CIT: variants seen among roughly 807,000 people sequenced by gnomAD.
CIT encodes the protein citron Rho-interacting kinase.
In CIT, 79 loss-of-function variants were observed where a neutral mutation model predicts 272.7. The ratio of observed to expected loss-of-function variants is 0.29; its 90% CI spans 0.24 to 0.35. The LOEUF is 0.35. Ranked by LOEUF, CIT falls within the 10% of genes least tolerant of loss-of-function variation. The pLI is 1.00. For missense variants in CIT, 1,909 were observed against 2,618.3 expected (o/e 0.73, Z 5.91); for synonymous variants, 948 against 995.6 (o/e 0.95, Z 0.90).
At chr12:119,833,302 T>C (rs762977744) in intron 6 of CIT, among the ~76,000 whole-genome samples, 1 of 152,130 alleles carries the variant, frequency 6.6e-6, no homozygotes, top group Non-Finnish European at 1.5e-5. Context: ...ACAATCATTG[T>C]ATTCCCACAA....
chr12:119,711,443 C>T (rs1356287011), intron 37 of CIT, among the ~76,000 whole-genome samples: 1 of 152,188 alleles, frequency 6.6e-6, no homozygotes, highest in East Asian at 1.9e-4. Flanking sequence ...AACTGAGATG[C>T]TTATGAAAAG....
intron 27 of CIT, among the ~76,000 whole-genome samples, chr12:119,730,255 C>A (rs1359527547): frequency 2.0e-5 from 3 of 152,028 alleles, no homozygotes. Flanking sequence ...GGCCTAGACA[C>A]ACAGATTTTA....
At chr12:119,822,119 C>T (rs573904417) in intron 9 of CIT, among the ~76,000 whole-genome samples, 2 of 152,318 alleles carry the variant, frequency 1.3e-5, no homozygotes, top group African/African-American at 4.8e-5. Context: ...GGCTCTAATC[C>T]GTGCTGATCA....
chr12:119,689,433 T>C (rs1955793023), intron 47 of CIT, among the ~76,000 whole-genome samples: 1 of 151,950 alleles, frequency 6.6e-6, no homozygotes, highest in East Asian at 1.9e-4. Context: ...TGTGTGAATC[T>C]ATATCTATGT....
chr12:119,786,012 G>A (rs1426868689), intron 10 of CIT, among the ~76,000 whole-genome samples: 1 of 151,990 alleles, frequency 6.6e-6, no homozygotes, highest in Non-Finnish European at 1.5e-5. Context: ...TGCATACCTG[G>A]TTCTGTTTGA....
Position 119,709,528 on chromosome 12 carries a change from G to A in CIT, c.5071+723C>T, listed in dbSNP as rs553773233. ...CTGAGATTAAGAAAGGCCAGTTCTT[G>A]TCCATAGTATGTCAGTCCCCGGATC... On this transcript the variant is annotated intron_variant, in intron 39 of 47. Coordinates refer to ENST00000392521, the MANE Select transcript of CIT (RefSeq NM_001206999.2). Among the ~76,000 whole-genome samples the A allele has an allele frequency of 8.5e-5, 13 of 152,310 alleles. 1 individual carries two copies. Among genetic ancestry groups the A allele is most frequent in the African/African-American group, 3.1e-4 (13 of 41,580 alleles).
At chr12:119,757,291 T>G (rs1961124423) in intron 22 of CIT, 80 bp downstream of exon 22, 1 of 1,540,148 alleles carries the variant, frequency 6.5e-7, no homozygotes, top group Admixed American at 1.8e-5. Context: ...GTATAGATAT[T>G]GATTTGTGCT....
intron 21 of CIT, among the ~76,000 whole-genome samples, chr12:119,758,115 G>A (rs566378473): frequency 6.6e-6 from 1 of 152,054 alleles, no homozygotes; most frequent in East Asian, 1.9e-4. Flanking sequence ...GAAACCTAAG[G>A]GGGAAAAAAA....
intron 46 of CIT, among the ~76,000 whole-genome samples, chr12:119,693,002 T>A: frequency 6.6e-6 from 1 of 151,684 alleles, no homozygotes; most frequent in Non-Finnish European, 1.5e-5. Context: ...AGAACTACAT[T>A]AAGCCTACTT....
At chr12:119,711,478 C>T (rs1387405275) in intron 37 of CIT, among the ~76,000 whole-genome samples, 2 of 152,174 alleles carry the variant, frequency 1.3e-5, no homozygotes, top group Non-Finnish European at 2.9e-5. Context: ...ACACAGCTGC[C>T]GGCAGCCTAT....
intron 41 of CIT, among the ~76,000 whole-genome samples, chr12:119,703,062 C>A (rs1017396854): frequency 2.0e-5 from 3 of 152,178 alleles, no homozygotes; most frequent in Non-Finnish European, 4.4e-5. Flanking sequence ...GCTAACAGTT[C>A]AAATTCTAGT....
intron 19 of CIT, among the ~76,000 whole-genome samples, chr12:119,766,040 T>C (rs1039948334): frequency 2.6e-5 from 4 of 152,118 alleles, no homozygotes; most frequent in African/African-American, 9.7e-5. Context: ...TACGGACACA[T>C]GGCAGGGAAC....
intron 7 of CIT, among the ~76,000 whole-genome samples, chr12:119,826,072 A>G (rs965297625): frequency 4.6e-5 from 7 of 152,198 alleles, no homozygotes; most frequent in African/African-American, 1.7e-4. Flanking sequence ...AGAAAAGAAA[A>G]GAAAAAAGAG....
At position 119,697,745 on chromosome 12, in the gene CIT, C is replaced by A; in HGVS notation, c.5796G>T (p.Gln1932His). The A allele has an allele frequency of 6.2e-7, 1 of 1,614,134 alleles. No homozygotes were observed. Among genetic ancestry groups the A allele is most frequent in the Non-Finnish European group, 8.5e-7 (1 of 1,180,028 alleles). The change falls in exon 46 of 48, where the codon CAG becomes CAT. Residue 1932 changes from glutamine (Q) to histidine (H), a missense_variant. By Grantham distance (24) the Gln-to-His change is conservative. This residue lies in a region of CIT where 780 missense variants were observed against 1,067.2 expected (regional missense o/e 0.73). Coordinates refer to ENST00000392521, the MANE Select transcript of CIT (RefSeq NM_001206999.2). This position sits in a 1 kb window ranked among gnomAD's most constrained non-coding sequence, Gnocchi z 4.9. ...SGAIYLASSYQDKLRVICCKG... is the reference protein window; with the variant it reads ...SGAIYLASSYHDKLRVICCKG... Reference sequence around the variant, plus strand: ...TGCAGCAAATGACCCTTAATTTATCCTGGTATGAGGACGCCAAGTAAATCG... The same window carrying A: ...TGCAGCAAATGACCCTTAATTTATCATGGTATGAGGACGCCAAGTAAATCG...
chr12:119,735,087 G>T, intron 25 of CIT, 73 bp downstream of exon 25: 1 of 1,430,462 alleles, frequency 7.0e-7, no homozygotes, highest in Non-Finnish European at 9.8e-7. Flanking sequence ...ACCCTTGGGA[G>T]AACGCACCAA....
chr12:119,775,719 A>T, intron 16 of CIT, 67 bp downstream of exon 16: 6 of 1,261,078 alleles, frequency 4.8e-6, no homozygotes, highest in Non-Finnish European at 6.9e-6. Flanking sequence ...GTGCTCTGGG[A>T]CAAGGCAAAG....
At chr12:119,790,541 A>T (rs1415330457) in intron 10 of CIT, among the ~76,000 whole-genome samples, 2 of 152,002 alleles carry the variant, frequency 1.3e-5, no homozygotes, top group African/African-American at 4.8e-5. Context: ...CTTCAACAAA[A>T]TTTTTTTTAA....
intron 19 of CIT, among the ~76,000 whole-genome samples, chr12:119,761,942 C>G (rs1434851402): frequency 6.6e-6 from 1 of 152,182 alleles, no homozygotes; most frequent in African/African-American, 2.4e-5. Context: ...AAGACGACAT[C>G]AGAACATGCC....
At chr12:119,821,061 C>T (rs903796977) in intron 9 of CIT, among the ~76,000 whole-genome samples, 4 of 152,018 alleles carry the variant, frequency 2.6e-5, no homozygotes, top group African/African-American at 7.3e-5. Flanking sequence ...TTTGGAAGGC[C>T]GAGGCAGGCA....
Sources: allele counts gnomAD v4.1 joint callset (sites outside exome capture counted in the v4.1 genomes callset), GRCh38; gene constraint gnomAD v4.1.1; regional missense constraint gnomAD v4.1.1; non-coding constraint Gnocchi (gnomAD v3.1); transcripts MANE v1.5; gene names NCBI Gene and HGNC (gene_info 2026-07-23, HGNC 2026-07-21).